Variants in SETBP1 observed in about 807,000 individuals in gnomAD.
The protein encoded by SETBP1 is SET-binding protein.
SETBP1 carries 9 observed loss-of-function variants against 101.0 expected under a neutral mutation model. The ratio of observed to expected loss-of-function variants is 0.09; its 90% CI spans 0.05 to 0.16. SETBP1 has a LOEUF of 0.16. SETBP1 is among the 10% of genes least tolerant of loss of function. SETBP1 has a pLI of 1.00. For missense variants in SETBP1, 1,858 were observed against 2,033.8 expected (o/e 0.91, Z 1.66); for synonymous variants, 818 against 788.5 (o/e 1.04, Z -0.63).
At chr18:44,806,135 C>T (rs1424696223) in intron 2 of SETBP1, among the ~76,000 whole-genome samples, 1 of 152,072 alleles carries the variant, frequency 6.6e-6, no homozygotes, top group Non-Finnish European at 1.5e-5. Flanking sequence ...GAAGGAAATG[C>T]CACTTTAGGA....
At chr18:44,938,530 C>T (rs2071013401) in intron 3 of SETBP1, among the ~76,000 whole-genome samples, 1 of 152,168 alleles carries the variant, frequency 6.6e-6, no homozygotes, top group Non-Finnish European at 1.5e-5. Context: ...CAGATAAAGC[C>T]TCTTAATAGG....
intron 2 of SETBP1, among the ~76,000 whole-genome samples, chr18:44,728,012 A>G (rs991725156): frequency 6.6e-6 from 1 of 152,200 alleles, no homozygotes; most frequent in African/African-American, 2.4e-5. Context: ...TGTTTGCTCT[A>G]CCGTCACTTA....
intron 2 of SETBP1, among the ~76,000 whole-genome samples, chr18:44,726,808 C>T (rs957397658): frequency 4.6e-5 from 7 of 152,100 alleles, no homozygotes; most frequent in Non-Finnish European, 7.4e-5. Context: ...TGTAATAATA[C>T]GTGGAGAAGA....
intron 4 of SETBP1, 118 bp downstream of exon 4, chr18:44,953,458 T>A: frequency 2.3e-6 from 2 of 864,806 alleles, no homozygotes; most frequent in Non-Finnish European, 3.8e-6. Flanking sequence ...GGAATCAAAT[T>A]AAAATGGGTC....
intron 5 of SETBP1, among the ~76,000 whole-genome samples, chr18:45,049,577 G>A (rs1426884752): frequency 1.3e-5 from 2 of 152,166 alleles, no homozygotes; most frequent in Non-Finnish European, 2.9e-5. Flanking sequence ...GATTGGAATA[G>A]GATAAATTTT....
Position 44,855,544 on chromosome 18 carries a change from C to A in SETBP1, c.487-13686C>A, listed in dbSNP as rs145213563. Among the ~76,000 whole-genome samples the A allele has an allele frequency of 4.8e-3, 737 of 152,262 alleles. 7 individuals carry two copies. Among genetic ancestry groups the A allele is most frequent in the African/African-American group, 0.017 (707 of 41,534 alleles). The stretch of plus-strand genomic sequence containing the variant: ...TTAAGTGGACGGGCTGATGAACACA[C>A]CAGTGGTGCATTGGGGCCAACTCAT... On this transcript the variant is annotated intron_variant, in intron 2 of 5. Coordinates refer to ENST00000649279, the MANE Select transcript of SETBP1 (RefSeq NM_015559.3).
intron 1 of SETBP1, among the ~76,000 whole-genome samples, chr18:44,693,531 G>C (rs2068967641): frequency 1.3e-5 from 2 of 152,138 alleles, no homozygotes; most frequent in Non-Finnish European, 2.9e-5. Flanking sequence ...CTCCAGGGGA[G>C]CAAGAGGAAG....
intron 2 of SETBP1, among the ~76,000 whole-genome samples, chr18:44,718,574 C>T (rs2069517417): frequency 6.6e-6 from 1 of 152,164 alleles, no homozygotes; most frequent in South Asian, 2.1e-4. Context: ...ATAACTGAGT[C>T]ATTCATTCAT....
chr18:44,683,788 G>C (rs2068795297), intron 1 of SETBP1, among the ~76,000 whole-genome samples: 4 of 152,198 alleles, frequency 2.6e-5, no homozygotes, highest in Admixed American at 2.0e-4. Flanking sequence ...ATTGAAGGCA[G>C]ATCCAGCCAA....
At chr18:44,884,685 T>C (rs1008416315) in intron 3 of SETBP1, among the ~76,000 whole-genome samples, 1 of 152,210 alleles carries the variant, frequency 6.6e-6, no homozygotes, top group Non-Finnish European at 1.5e-5. Context: ...TGCCAAGAGA[T>C]GACACATGGC....
chr18:44,966,678 A>G (rs982030884), intron 4 of SETBP1, among the ~76,000 whole-genome samples: 1 of 152,192 alleles, frequency 6.6e-6, no homozygotes, highest in Non-Finnish European at 1.5e-5. Context: ...GACCACCATC[A>G]TTTCCTGACT....
chr18:44,996,399 G>A (rs1201108772), intron 4 of SETBP1, among the ~76,000 whole-genome samples: 1 of 152,214 alleles, frequency 6.6e-6, no homozygotes, highest in African/African-American at 2.4e-5. Context: ...TCTGGGCAGA[G>A]CCAGCTTTCT....
At chr18:44,718,752 T>C (rs2069520732) in intron 2 of SETBP1, among the ~76,000 whole-genome samples, 1 of 152,210 alleles carries the variant, frequency 6.6e-6, no homozygotes, top group Non-Finnish European at 1.5e-5. Flanking sequence ...GTTCTGGCTC[T>C]GGGGCTTTTC....
chr18:44,722,021 AG>A (rs1268170925), intron 2 of SETBP1, among the ~76,000 whole-genome samples: 5 of 150,530 alleles, frequency 3.3e-5, no homozygotes, highest in African/African-American at 1.2e-4. Flanking sequence ...TGTATGTGAG[AG>A]GGCATCTGCG....
chr18:44,805,682 G>A (rs372440072), intron 2 of SETBP1, among the ~76,000 whole-genome samples: 1 of 151,920 alleles, frequency 6.6e-6, no homozygotes, highest in East Asian at 1.9e-4. Context: ...GATCTAGATC[G>A]TTATTTCCTT....
intron 2 of SETBP1, among the ~76,000 whole-genome samples, chr18:44,798,397 A>G (rs1477815207): frequency 6.6e-6 from 1 of 152,166 alleles, no homozygotes; most frequent in East Asian, 1.9e-4. Context: ...GAGGTTAATT[A>G]CAGAAATGGA....
chr18:44,995,460 T>C (rs933834662), intron 4 of SETBP1, among the ~76,000 whole-genome samples: 6 of 152,090 alleles, frequency 3.9e-5, no homozygotes, highest in Non-Finnish European at 8.8e-5. Flanking sequence ...ATTTTTAATG[T>C]ACATTTTAAA....
intron 5 of SETBP1, among the ~76,000 whole-genome samples, chr18:45,059,794 A>G (rs2073864213): frequency 6.6e-6 from 1 of 152,224 alleles, no homozygotes; most frequent in Non-Finnish European, 1.5e-5. Context: ...CATTTTCGCC[A>G]TCTTAGAAAA....
In SETBP1 at chr18:44,857,460, C is replaced by G. The variant is rs181620333; in HGVS notation, c.487-11770C>G. 1.1e-3 allele frequency among the ~76,000 whole-genome samples: 168 copies of G among 152,274 alleles called. 1 individual carries two copies. The highest frequency in any genetic ancestry group is 1.5e-3 in the East Asian group (8 of 5,178). ...GTTAGAGGTGGGGAATATTAAGGGT[C>G]TGCAGGGATATGACTTGCTCAAGGT... On this transcript the variant is annotated intron_variant, in intron 2 of 5. Transcript: ENST00000649279.
Sources: gnomAD v4.1 joint callset for allele counts (sites outside exome capture counted in the v4.1 genomes callset) on GRCh38, gnomAD v4.1.1 for gene constraint, MANE v1.5 for transcripts, NCBI Gene and HGNC (gene_info 2026-07-23, HGNC 2026-07-21) for gene names.